The following NIPSNAP3B variants were observed in gnomAD, a reference collection of about 807,000 sequenced individuals.
NIPSNAP3B encodes the protein protein NipSnap homolog 3B.
A neutral mutation model predicts 31.5 loss-of-function variants in NIPSNAP3B; 30 were observed. The ratio of observed to expected loss-of-function variants is 0.95; its 90% CI spans 0.71 to 1.29. NIPSNAP3B has a LOEUF of 1.29. NIPSNAP3B is among the 50% of genes most tolerant of loss of function. NIPSNAP3B has a pLI of 0.00. For missense variants in NIPSNAP3B, 269 were observed against 300.7 expected, an observed-to-expected ratio of 0.89 and a Z score of 0.78; for synonymous variants, 106 against 107.9, an observed-to-expected ratio of 0.98 and a Z score of 0.11.
downstream of NIPSNAP3B, among the ~76,000 whole-genome samples, chr9:104,777,982 C>T (rs1828372187): frequency 6.6e-6 from 1 of 152,142 alleles, no homozygotes; most frequent in Admixed American, 6.5e-5. Flanking sequence ...ATTCCTTACT[C>T]ATCTTCTCAG....
At chr9:104,764,388 G>GCA in intron 1 of NIPSNAP3B, 88 bp downstream of exon 1, 2 of 1,214,990 alleles carry the variant, frequency 1.6e-6, no homozygotes, top group Non-Finnish European at 2.2e-6. Context: ...CCACGCTCAG[G>GCA]CGCTCCCAGA....
chr9:104,783,822 A>G, the NIPSNAP3B span: 1 of 164,064 alleles, frequency 6.1e-6, no homozygotes, highest in East Asian at 1.7e-4. Flanking sequence ...GGCACTAATA[A>G]CTCTGGCACA....
chr9:104,772,882 A>C lies in NIPSNAP3B; in HGVS notation c.641A>C (p.His214Pro), dbSNP rs899232147. 1 of 1,613,606 alleles carries C rather than the reference A, an allele frequency of 6.2e-7. No homozygotes were observed. The highest frequency in any genetic ancestry group is 1.3e-5 in the African/African-American group (1 of 74,930). ...DSRAAGRHKS[H>P]EDPRVVAAVR... ...CGTGCAGCTGGGAGACATAAGTCCC[A>C]TGAGGATCCCAGAGTTGTGGCGGCT... Residue 214 changes from histidine to proline, a missense_variant, in exon 5 of 6, where the codon CAT (histidine) becomes CCT (proline). Transcript: ENST00000374762.
the NIPSNAP3B span, chr9:104,786,479 T>C: frequency 1.8e-6 from 2 of 1,136,670 alleles, no homozygotes; most frequent in South Asian, 1.2e-5. Flanking sequence ...TCCAGCTTCC[T>C]AGGGAATTGT....
rs1282407282 is a variant in NIPSNAP3B at position 104,768,936 on chromosome 9, T to C, written c.345T>C (p.Ile115=). 6.2e-7 allele frequency: 1 copy of C among 1,613,938 alleles called. No homozygotes were observed. Among genetic ancestry groups the C allele is most frequent in the Admixed American group, 1.7e-5 (1 of 60,014 alleles). The change falls in exon 3 of 6, where the codon ATT becomes ATC. Residue 115 remains isoleucine, a synonymous_variant. Coordinates refer to ENST00000374762, the MANE Select transcript of NIPSNAP3B (RefSeq NM_018376.4). ...NCKEWQEQSI[I]PNLARIDKQE... is the part of the protein sequence containing the mutation. ...AGGAATGGCAAGAACAATCTATCAT[T>C]CCAAATTTGGCTCGCATTGATAAAC...
intron 1 of NIPSNAP3B, among the ~76,000 whole-genome samples, chr9:104,765,099 G>C (rs923301240): frequency 6.6e-6 from 1 of 152,182 alleles, no homozygotes; most frequent in Non-Finnish European, 1.5e-5. Flanking sequence ...AGAAAGGATA[G>C]TTGCAGGTAT....
At chr9:104,768,399 CTT>C (rs1828133929) in intron 2 of NIPSNAP3B, among the ~76,000 whole-genome samples, 1 of 152,178 alleles carries the variant, frequency 6.6e-6, no homozygotes, top group African/African-American at 2.4e-5. Context: ...GAAAAATAGT[CTT>C]TCTCTATAAA....
At position 104,774,470 on chromosome 9, in the gene NIPSNAP3B, T is replaced by C. The variant is rs1828291719; in HGVS notation, c.*1397T>C. Among the ~76,000 whole-genome samples the C allele has an allele frequency of 6.6e-6, 1 of 152,208 alleles. No individual in the cohort carries two copies. Among genetic ancestry groups the C allele is most frequent in the Non-Finnish European group, 1.5e-5 (1 of 68,044 alleles). On this transcript the variant is annotated 3_prime_UTR_variant, in exon 6 of 6. Coordinates refer to ENST00000374762, the MANE Select transcript of NIPSNAP3B (RefSeq NM_018376.4). Reference sequence around the variant, plus strand: ...AAGTATGTGGTTAACTACACATAAATTACCAATAAAATTAAAAGTTAACTA... The same window carrying C: ...AAGTATGTGGTTAACTACACATAAACTACCAATAAAATTAAAAGTTAACTA...
At position 104,773,482 on chromosome 9, in the gene NIPSNAP3B, C is replaced by G. The variant is rs1441547590; in HGVS notation, c.*409C>G. Reference sequence around the variant, plus strand: ...CTATCTTTTCATCATGTCTATAGTTCCTGAGATTTTAAAAAAATTTGCTTA... The same window carrying G: ...CTATCTTTTCATCATGTCTATAGTTGCTGAGATTTTAAAAAAATTTGCTTA... On this transcript the variant is annotated 3_prime_UTR_variant, in exon 6 of 6. Transcript: ENST00000374762. 6.5e-6 allele frequency: 1 copy of G among 153,372 alleles called. No homozygotes were observed. The highest frequency in any genetic ancestry group is 6.5e-5 in the Admixed American group (1 of 15,396). 9.5% of individuals were successfully genotyped at this position (153,372 alleles called of 1,614,324 possible).
chr9:104,787,704 C>T, the NIPSNAP3B span: 4 of 302,562 alleles, frequency 1.3e-5, no homozygotes, highest in Non-Finnish European at 1.9e-5. Flanking sequence ...AAACAAAGTG[C>T]TTGGAGTGCC....
chr9:104,770,935 G>T lies in NIPSNAP3B; in HGVS notation c.517G>T (p.Val173Phe). 2 of 1,613,974 alleles carry T rather than the reference G, an allele frequency of 1.2e-6. No homozygotes were observed. The highest frequency in any genetic ancestry group is 1.7e-6 in the Non-Finnish European group (2 of 1,179,862). Residue 173 changes from valine to phenylalanine, a missense_variant, in exon 4 of 6, where the codon GTC becomes TTC. Val to Phe is a conservative substitution (Grantham distance 50). Transcript: ENST00000374762. Reference sequence around the variant, plus strand: ...ATTTGAAAGAGCAATTAATGCCCATGTCAATTTAGGCTACACAAAAGTAGT... The same window carrying T: ...ATTTGAAAGAGCAATTAATGCCCATTTCAATTTAGGCTACACAAAAGTAGT... ...DAFERAINAH[V>F]NLGYTKVVGV...
chr9:104,782,733 A>G (rs1828615115), downstream of NIPSNAP3B: 1 of 152,322 alleles, frequency 6.6e-6, no homozygotes, highest in East Asian at 1.9e-4. Context: ...ACTAAATGCC[A>G]TAAACACAAG....
the NIPSNAP3B span, among the ~76,000 whole-genome samples, chr9:104,788,967 A>G: frequency 2.0e-5 from 3 of 152,310 alleles, no homozygotes; most frequent in East Asian, 5.8e-4. Context: ...AGGCCCAGAA[A>G]TTTTGAGTGT....
intron 3 of NIPSNAP3B, 101 bp downstream of exon 3, chr9:104,769,122 T>A: frequency 2.5e-6 from 2 of 808,276 alleles, no homozygotes; most frequent in South Asian, 2.9e-5. Flanking sequence ...ATATAATTCT[T>A]TGTTTTATAT....
chr9:104,787,740 G>T, the NIPSNAP3B span: 2 of 767,118 alleles, frequency 2.6e-6, no homozygotes, highest in Non-Finnish European at 3.2e-6. Flanking sequence ...CTGCAGGCAT[G>T]GTACAGCCAC....
chr9:104,770,651 C>T (rs867464947), intron 3 of NIPSNAP3B, among the ~76,000 whole-genome samples, 198 bp from the exon 4 acceptor site: 1 of 152,054 alleles, frequency 6.6e-6, no homozygotes, highest in South Asian at 2.1e-4. Context: ...ACAACTGACC[C>T]TTAAACATGG....
chr9:104,775,751 A>G lies in NIPSNAP3B; in HGVS notation c.*2678A>G. ...AACTGAGCTCTTGATCTTTAACCAG[A>G]AACTTTATCTCAGCTATTGGCAACT... On this transcript the variant is annotated 3_prime_UTR_variant, in exon 6 of 6. Transcript: ENST00000374762. 6.6e-6 allele frequency among the ~76,000 whole-genome samples: 1 copy of G among 152,198 alleles called. No individual in the cohort carries two copies. The highest frequency in any genetic ancestry group is 1.9e-4 in the East Asian group (1 of 5,194).
At chr9:104,778,502 T>C (rs1209040273), downstream of NIPSNAP3B, among the ~76,000 whole-genome samples, 1 of 152,078 alleles carries the variant, frequency 6.6e-6, no homozygotes, top group African/African-American at 2.4e-5. Flanking sequence ...GCTGTGATTA[T>C]AGGCGTGCAC....
chr9:104,779,686 G>GAAA (rs1828423505), downstream of NIPSNAP3B, among the ~76,000 whole-genome samples: 1 of 150,850 alleles, frequency 6.6e-6, no homozygotes, highest in African/African-American at 2.4e-5. Context: ...TTTGAATCTG[G>GAAA]AAAAGTTCTT....
Sources: gnomAD v4.1 joint callset for allele counts (sites outside exome capture counted in the v4.1 genomes callset) on GRCh38, gnomAD v4.1.1 for gene constraint, MANE v1.5 for transcripts, NCBI Gene and HGNC (gene_info 2026-07-23, HGNC 2026-07-21) for gene names.